TXNRD3: variants seen among roughly 807,000 people sequenced by gnomAD.
TXNRD3 encodes the protein thioredoxin reductase 3.
In TXNRD3, 68 loss-of-function variants were observed where a neutral mutation model predicts 78.2. That is an observed-to-expected ratio of 0.87 (90% CI 0.72 to 1.06). TXNRD3 has a LOEUF of 1.06. TXNRD3 is among the 50% of genes least tolerant of loss of function. The pLI, the probability that TXNRD3 is intolerant of heterozygous loss-of-function variation, is 0.00. For synonymous variants in TXNRD3, 296 were observed against 300.1 expected (o/e 0.99, Z 0.14); for missense variants, 751 against 809.5 (o/e 0.93, Z 0.88).
chr3:126,642,771 G>A lies in TXNRD3; in HGVS notation c.593-620C>T, dbSNP rs187810195. 3.0e-4 allele frequency among the ~76,000 whole-genome samples: 45 copies of A among 152,274 alleles called. 1 individual carries two copies. Among genetic ancestry groups the A allele is most frequent in the African/African-American group, 1.1e-3 (45 of 41,556 alleles). On this transcript the variant is annotated intron_variant, in intron 5 of 15. Transcript: ENST00000524230. ...CCACAAGAACATTATGAGAAAAATC[G>A]AAGTAGATTAGCTTTTGTACATAAA...
At chr3:126,611,845 T>G (rs1430186313) in intron 13 of TXNRD3, among the ~76,000 whole-genome samples, 9 of 152,126 alleles carry the variant, frequency 5.9e-5, no homozygotes, top group African/African-American at 2.2e-4. Flanking sequence ...GGATTTAAAT[T>G]TAAAAATACC....
intron 10 of TXNRD3, chr3:126,625,155 T>C (rs1938547995): frequency 5.8e-5 from 2 of 34,530 alleles, no homozygotes; most frequent in African/African-American, 7.6e-5. Context: ...AGCAGTATAT[T>C]CTTTTTTTTT....
intron 10 of TXNRD3, among the ~76,000 whole-genome samples, chr3:126,629,104 T>A (rs1938648316): frequency 6.6e-6 from 1 of 152,086 alleles, no homozygotes; most frequent in Non-Finnish European, 1.5e-5. Flanking sequence ...AAGAAATGTA[T>A]AAAATATCTA....
rs926710494 is a variant in TXNRD3, at chr3:126,647,219, G to T, written c.304+17C>A. On this transcript the variant is annotated intron_variant, in intron 2 of 15. Transcript: ENST00000524230. ...CATTTATTATAAACAACACTATGTT[G>T]TAACTGGTCTACTTACCAACTTGAT... 1 of 1,524,084 alleles carries T rather than the reference G, an allele frequency of 6.6e-7. No individual in the cohort carries two copies. Among genetic ancestry groups the T allele is most frequent in the African/African-American group, 1.4e-5 (1 of 72,858 alleles). 94.4% of individuals were successfully genotyped at this position (1,524,084 alleles called of 1,614,324 possible). A position where few individuals can be genotyped will look rare whatever the true frequency, so the allele number is the denominator to read the frequency against.
rs1458520531 is a variant in TXNRD3 at position 126,655,089 on chromosome 3, C to T, written c.-99G>A. ...GGGCCTGAGGGGCGGCGAACGCTGC[C>T]CTCGCTGGCCACTCTCACCACCCGC... On this transcript the variant is annotated 5_prime_UTR_variant, in exon 1 of 16. Transcript: ENST00000524230. 3 of 1,299,176 alleles carry T rather than the reference C, an allele frequency of 2.3e-6. No individual in the cohort carries two copies. The highest frequency in any genetic ancestry group is 4.2e-5 in the South Asian group (2 of 47,920). The allele number at this position is 1,299,176 out of a possible 1,614,324, so 80.5% of individuals were successfully genotyped here.
intron 6 of TXNRD3, among the ~76,000 whole-genome samples, chr3:126,637,118 G>T (rs1025282340): frequency 1.3e-5 from 2 of 152,034 alleles, no homozygotes; most frequent in South Asian, 4.1e-4. Context: ...TGGAGACTGG[G>T]TTATTCTTAC....
intron 8 of TXNRD3, 44 bp from the exon 9 acceptor site, chr3:126,630,981 T>C (rs1283576977): frequency 2.7e-6 from 4 of 1,498,606 alleles, no homozygotes; most frequent in African/African-American, 2.8e-5. Context: ...GCAGCAAGAA[T>C]GAAATGAGTT....
intron 10 of TXNRD3, among the ~76,000 whole-genome samples, chr3:126,623,150 T>C (rs564977635): frequency 9.8e-5 from 15 of 152,358 alleles, no homozygotes; most frequent in Middle Eastern, 3.4e-3. Flanking sequence ...TATTTTGCTA[T>C]GGCAGCCCTG....
At chr3:126,639,895 G>C (rs1042795409) in intron 6 of TXNRD3, among the ~76,000 whole-genome samples, 1 of 151,922 alleles carries the variant, frequency 6.6e-6, no homozygotes, top group African/African-American at 2.4e-5. Context: ...CGCCCAACCA[G>C]AAGAAGGATT....
chr3:126,611,506 C>T (rs145547954), intron 13 of TXNRD3, among the ~76,000 whole-genome samples: 286 of 152,298 alleles, frequency 1.9e-3, no homozygotes, highest in Non-Finnish European at 3.5e-3. Context: ...TAACAAGGCT[C>T]ACATTCCAGC....
intron 7 of TXNRD3, among the ~76,000 whole-genome samples, chr3:126,633,416 CTGTT>C (rs952659109): frequency 1.1e-4 from 16 of 152,244 alleles, no homozygotes; most frequent in African/African-American, 3.8e-4. Context: ...TCCAATTAAA[CTGTT>C]TGTGTTCCTC....
At chr3:126,637,932 C>CTTTTTTTTTTT (rs71615916) in intron 6 of TXNRD3, among the ~76,000 whole-genome samples, 8 of 60,232 alleles carry the variant, frequency 1.3e-4, no homozygotes, top group Admixed American at 5.2e-4. Flanking sequence ...ATTTCTCTCT[C>CTTTTTTTTTTT]TTTTTTTTTT....
intron 12 of TXNRD3, 115 bp from the exon 13 acceptor site, chr3:126,615,577 TA>T (rs1938299691): frequency 2.2e-6 from 1 of 463,898 alleles, no homozygotes; most frequent in Non-Finnish European, 3.6e-6. Flanking sequence ...AACCAATTCT[TA>T]AAACATCAAC....
Position 126,630,802 on chromosome 3 carries a change from GAGA to G in TXNRD3, c.1104_1106del (p.Leu369del). The G allele has an allele frequency of 6.5e-7, 1 of 1,535,346 alleles. No homozygotes were observed. Among genetic ancestry groups the G allele is most frequent in the Non-Finnish European group, 8.7e-7 (1 of 1,146,894 alleles). On this transcript the variant is annotated inframe_deletion, in exon 9 of 16. Transcript: ENST00000524230. ...CTGCCATTTCTTGGTCGAAGCCACG[GAGA>G]AGGATTGAGCGTACCATAACTGTGA...
At chr3:126,614,931 G>A (rs558806999) in intron 13 of TXNRD3, among the ~76,000 whole-genome samples, 1 of 152,226 alleles carries the variant, frequency 6.6e-6, no homozygotes, top group South Asian at 2.1e-4. Flanking sequence ...GGGTTGGGGG[G>A]TAAACAAGAG....
chr3:126,637,006 G>A (rs1032474955), intron 6 of TXNRD3, among the ~76,000 whole-genome samples: 25 of 151,834 alleles, frequency 1.6e-4, no homozygotes, highest in South Asian at 2.1e-4. Context: ...CAATGTGGCC[G>A]AGGGAAGTCA....
rs1371036905 is a variant in TXNRD3 at position 126,615,453 on chromosome 3, T to C, written c.1534A>G (p.Ile512Val). 5.4e-6 allele frequency: 8 copies of C among 1,482,628 alleles called. No homozygotes were observed. Among genetic ancestry groups the C allele is most frequent in the Non-Finnish European group, 6.3e-6 (7 of 1,118,926 alleles). The allele number at this position is 1,482,628 out of a possible 1,614,324, so 91.8% of individuals were successfully genotyped here. ...GTAAACACTGTAGTCGGAACATTAATATAATCACACTGAAAGACAAACAAA... is the reference window on the plus strand; with the variant it reads ...GTAAACACTGTAGTCGGAACATTAACATAATCACACTGAAAGACAAACAAA... Residue 512 changes from isoleucine to valine, a missense_variant, in exon 13 of 16, where the codon ATT (isoleucine) becomes GTT (valine). Physicochemically the swap from Ile to Val is conservative, Grantham distance 29. Transcript: ENST00000524230.
At chr3:126,609,280 C>A in intron 14 of TXNRD3, 2 of 247,310 alleles carry the variant, frequency 8.1e-6, no homozygotes, top group South Asian at 4.1e-5. Flanking sequence ...AAGAGAAAGA[C>A]TATAAAAGGG....
At chr3:126,618,150 A>G (rs1258371734) in intron 12 of TXNRD3, among the ~76,000 whole-genome samples, 1 of 152,224 alleles carries the variant, frequency 6.6e-6, no homozygotes, top group Non-Finnish European at 1.5e-5. Context: ...CACTACTCAA[A>G]GCAATCTACA....
Sources: allele counts gnomAD v4.1 joint callset (sites outside exome capture counted in the v4.1 genomes callset), GRCh38; gene constraint gnomAD v4.1.1; transcripts MANE v1.5; gene names NCBI Gene and HGNC (gene_info 2026-07-23, HGNC 2026-07-21).